BCKDHB: variants seen among roughly 807,000 people sequenced by gnomAD.
BCKDHB encodes 2-oxoisovalerate dehydrogenase subunit beta, mitochondrial.
A neutral mutation model predicts 48.5 loss-of-function variants in BCKDHB; 41 were observed. That is an observed-to-expected ratio of 0.85 (90% confidence interval 0.66 to 1.10). The LOEUF (loss-of-function observed/expected upper bound fraction) is 1.10, where lower values mean the gene tolerates loss of function less well. Among genes scored for constraint, BCKDHB ranks in the 50% least tolerant of loss-of-function variants. BCKDHB has a pLI of 0.00. For missense variants in BCKDHB, 496 were observed against 494.2 expected, an observed-to-expected ratio of 1.00 and a Z score of -0.03; for synonymous variants, 201 against 174.8, an observed-to-expected ratio of 1.15 and a Z score of -1.18.
chr6:80,451,629 T>C, the BCKDHB span, among the ~76,000 whole-genome samples: 1 of 151,686 alleles, frequency 6.6e-6, no homozygotes, highest in Non-Finnish European at 1.5e-5. Flanking sequence ...TCCCAGCTAC[T>C]GAGGCATGAG....
At chr6:80,161,489 A>G (rs1353562035) in intron 3 of BCKDHB, among the ~76,000 whole-genome samples, 2 of 152,176 alleles carry the variant, frequency 1.3e-5, no homozygotes, top group African/African-American at 4.8e-5. Flanking sequence ...CCCCTTATCT[A>G]ATTTATCCTT....
At position 80,127,539 on chromosome 6, in the gene BCKDHB, T is replaced by A. The variant is rs1770408724; in HGVS notation, c.197-8T>A. 6.2e-7 allele frequency: 1 copy of A among 1,611,746 alleles called. No homozygotes were observed. The highest frequency in any genetic ancestry group is 8.5e-7 in the Non-Finnish European group (1 of 1,178,070). ...CACACGAAATGATTTTTTTTTTGAT[T>A]TTCACAGGGCAAACTCAGAAAATGA... On this transcript the variant is annotated splice_region_variant and splice_polypyrimidine_tract_variant and intron_variant, in intron 1 of 9. Transcript: ENST00000320393.
intron 9 of BCKDHB, among the ~76,000 whole-genome samples, chr6:80,314,120 G>C (rs895904569): frequency 2.0e-5 from 3 of 152,154 alleles, no homozygotes; most frequent in Non-Finnish European, 2.9e-5. Flanking sequence ...TGATTGCACT[G>C]TTTATTATGA....
chr6:80,236,914 A>C (rs1406693075), intron 8 of BCKDHB, among the ~76,000 whole-genome samples: 1 of 152,244 alleles, frequency 6.6e-6, no homozygotes, highest in African/African-American at 2.4e-5. Context: ...ACGTCAAGTA[A>C]AATAATTTAA....
chr6:80,131,239 A>G (rs767957875), intron 3 of BCKDHB, among the ~76,000 whole-genome samples: 2 of 152,206 alleles, frequency 1.3e-5, no homozygotes, highest in Non-Finnish European at 2.9e-5. Flanking sequence ...TCTACTGCAC[A>G]TCTTCACCTC....
intron 3 of BCKDHB, among the ~76,000 whole-genome samples, chr6:80,134,370 G>A (rs1770780361): frequency 6.6e-6 from 1 of 152,132 alleles, no homozygotes; most frequent in Non-Finnish European, 1.5e-5. Context: ...AAACATCACT[G>A]AAATTGTATA....
At chr6:80,464,112 A>G in the BCKDHB span, among the ~76,000 whole-genome samples, 4 of 151,988 alleles carry the variant, frequency 2.6e-5, no homozygotes, top group African/African-American at 9.7e-5. Flanking sequence ...AGTCTCTCTC[A>G]TCTTTAAATC....
the BCKDHB span, among the ~76,000 whole-genome samples, chr6:80,447,119 G>GT: frequency 1.3e-5 from 2 of 152,082 alleles, no homozygotes; most frequent in East Asian, 3.9e-4. Flanking sequence ...ATAAAAACTA[G>GT]TTTTTTTCTG....
the BCKDHB span, among the ~76,000 whole-genome samples, chr6:80,455,190 A>T: frequency 1.3e-5 from 2 of 152,152 alleles, no homozygotes; most frequent in Non-Finnish European, 2.9e-5. Context: ...GTAGAGATGT[A>T]AAGATATTTT....
At chr6:80,436,293 G>A in the BCKDHB span, among the ~76,000 whole-genome samples, 2 of 150,894 alleles carry the variant, frequency 1.3e-5, no homozygotes, top group Non-Finnish European at 3.0e-5. Flanking sequence ...GGAGTAGCTG[G>A]GACTACAGGT....
chr6:80,295,254 T>G (rs1281267358), intron 9 of BCKDHB, among the ~76,000 whole-genome samples: 1 of 152,188 alleles, frequency 6.6e-6, no homozygotes, highest in Non-Finnish European at 1.5e-5. Flanking sequence ...AAGACATACC[T>G]GAAACTGGGT....
At chr6:80,142,602 A>G (rs1001091392) in intron 3 of BCKDHB, among the ~76,000 whole-genome samples, 1 of 152,144 alleles carries the variant, frequency 6.6e-6, no homozygotes, top group African/African-American at 2.4e-5. Context: ...TGAAAAATAC[A>G]GTAGTGCTTA....
the BCKDHB span, among the ~76,000 whole-genome samples, chr6:80,351,432 A>C: frequency 1.3e-5 from 2 of 151,982 alleles, no homozygotes; most frequent in Non-Finnish European, 2.9e-5. Flanking sequence ...ACAAATGGAG[A>C]GTTGGCCTGG....
At chr6:80,323,854 G>A (rs1305253500) in intron 9 of BCKDHB, among the ~76,000 whole-genome samples, 2 of 152,110 alleles carry the variant, frequency 1.3e-5, no homozygotes, top group African/African-American at 2.4e-5. Context: ...CTCACTGCAA[G>A]CTCCGCCCCC....
the BCKDHB span, among the ~76,000 whole-genome samples, chr6:80,441,776 C>T: frequency 6.6e-6 from 1 of 152,072 alleles, no homozygotes; most frequent in African/African-American, 2.4e-5. Flanking sequence ...ATTTATCCAG[C>T]CAAAAAATAT....
chr6:80,322,677 G>A (rs544414860), intron 9 of BCKDHB, among the ~76,000 whole-genome samples: 2 of 152,040 alleles, frequency 1.3e-5, no homozygotes, highest in Non-Finnish European at 2.9e-5. Context: ...ACAAAAGAAG[G>A]ACTTTAAAGT....
At chr6:80,392,058 TCTCAG>T in the BCKDHB span, among the ~76,000 whole-genome samples, 1 of 152,130 alleles carries the variant, frequency 6.6e-6, no homozygotes, top group African/African-American at 2.4e-5. Context: ...AGTGGCATGA[TCTCAG>T]CTCACTGCAA....
At chr6:80,139,317 A>C (rs1457517363) in intron 3 of BCKDHB, among the ~76,000 whole-genome samples, 3 of 151,780 alleles carry the variant, frequency 2.0e-5, no homozygotes, top group Non-Finnish European at 4.4e-5. Context: ...ATTAGATCCC[A>C]TTTGTCAATT....
At chr6:80,109,962 TACTA>T (rs1332123440) in intron 1 of BCKDHB, among the ~76,000 whole-genome samples, 2 of 152,244 alleles carry the variant, frequency 1.3e-5, no homozygotes, top group Non-Finnish European at 2.9e-5. Context: ...ACTACTTATA[TACTA>T]AGATTTTGTC....
Sources: allele counts gnomAD v4.1 joint callset (sites outside exome capture counted in the v4.1 genomes callset), GRCh38; gene constraint gnomAD v4.1.1; transcripts MANE v1.5; gene names NCBI Gene and HGNC (gene_info 2026-07-23, HGNC 2026-07-21).